The following ATP4B variants were observed in gnomAD, a reference collection of about 807,000 sequenced individuals.
The protein encoded by ATP4B is ATPase H+/K+ transporting subunit beta, also known as potassium-transporting ATPase subunit beta.
ATP4B carries 27 observed loss-of-function variants against 35.3 expected under a neutral mutation model. The ratio of observed to expected loss-of-function variants is 0.76; its 90% CI spans 0.56 to 1.05. ATP4B has a LOEUF of 1.05. Among genes scored for constraint, ATP4B ranks in the 50% least tolerant of loss-of-function variants. ATP4B has a pLI of 0.00. For synonymous variants in ATP4B, 162 were observed against 156.0 expected (o/e 1.04, Z -0.29); for missense variants, 375 against 384.8 (o/e 0.97, Z 0.21).
At chr13:113,652,780 A>G in intron 4 of ATP4B, 93 bp downstream of exon 4, 1 of 1,459,998 alleles carries the variant, frequency 6.8e-7, no homozygotes, top group Non-Finnish European at 9.5e-7. Flanking sequence ...GGCAAGCCCC[A>G]GACAGGACAC....
chr13:113,656,123 G>A (rs1027344290), intron 1 of ATP4B, among the ~76,000 whole-genome samples: 1 of 152,232 alleles, frequency 6.6e-6, no homozygotes, highest in African/African-American at 2.4e-5. Context: ...AGCTTCAGCA[G>A]TGTGGGGCCC....
At chr13:113,655,050 G>T in intron 1 of ATP4B, 108 bp from the exon 2 acceptor site, 1 of 1,428,846 alleles carries the variant, frequency 7.0e-7, no homozygotes, top group South Asian at 1.4e-5. Context: ...TCCCTACCTA[G>T]TTCCAGAACA....
rs773248678 is a variant in ATP4B, at chr13:113,652,951, C to T, written c.477G>A (p.Leu159=). The part of the protein sequence containing the change: ...KFSCKFTADM[L]QNCSGLADPN... ...GATCCGCCAGGCCTGAGCAGTTCTG[C>T]AGCATATCTGCCGTGAACTTGCAGG... The change falls in exon 4 of 7, where the codon CTG becomes CTA. Residue 159 remains leucine (L), a synonymous_variant. Coordinates refer to ENST00000335288, the MANE Select transcript of ATP4B (RefSeq NM_000705.4). The T allele has an allele frequency of 1.2e-6, 2 of 1,614,206 alleles. No individual in the cohort carries two copies. Among genetic ancestry groups the T allele is most frequent in the Non-Finnish European group, 1.7e-6 (2 of 1,180,040 alleles).
chr13:113,650,475 C>A lies in ATP4B; in HGVS notation c.645G>T (p.Gln215His). 1 of 1,613,920 alleles carries A rather than the reference C, an allele frequency of 6.2e-7. No individual in the cohort carries two copies. Among genetic ancestry groups the A allele is most frequent in the Non-Finnish European group, 8.5e-7 (1 of 1,179,904 alleles). ...TGCCGTTGGGAGGGTAGTACTTGAC[C>A]TGCAGCGGCTGGCCGAGCTCGCGGG... is the stretch of plus-strand genomic sequence containing the variant. ...DQPRELGQPL[Q>H]VKYYPPNGTF... is the part of the protein sequence containing the mutation. Residue 215 changes from glutamine to histidine, a missense_variant, in exon 6 of 7, where the codon CAG becomes CAT. Coordinates refer to ENST00000335288, the MANE Select transcript of ATP4B (RefSeq NM_000705.4). The surrounding 1 kb of genome is among the most constrained non-coding windows in gnomAD (Gnocchi z 5.0).
At chr13:113,653,954 A>G (rs763677268) in intron 2 of ATP4B, among the ~76,000 whole-genome samples, 1 of 152,252 alleles carries the variant, frequency 6.6e-6, no homozygotes, top group Non-Finnish European at 1.5e-5. Flanking sequence ...GTGGAAACAC[A>G]GATGCAGAAA....
intron 1 of ATP4B, among the ~76,000 whole-genome samples, 165 bp from the exon 2 acceptor site, chr13:113,655,107 C>T (rs953735458): frequency 2.0e-5 from 3 of 152,234 alleles, no homozygotes; most frequent in Admixed American, 6.5e-5. Context: ...ACAGTCACTA[C>T]AATCCCCTCC....
In ATP4B at chr13:113,658,026, C is replaced by A; in HGVS notation, c.112+7G>T. On this transcript the variant is annotated splice_region_variant and intron_variant, in intron 1 of 6. Coordinates refer to ENST00000335288, the MANE Select transcript of ATP4B (RefSeq NM_000705.4). ...ATGCACCCAGCCGGCCCGCCCCCCG[C>A]ACGTACCCCACCGGGACAGGGTGCG... The A allele has an allele frequency of 6.3e-7, 1 of 1,593,234 alleles. No individual in the cohort carries two copies. The highest frequency in any genetic ancestry group is 8.5e-7 in the Non-Finnish European group (1 of 1,171,920).
chr13:113,656,527 G>A (rs998551037), intron 1 of ATP4B, among the ~76,000 whole-genome samples: 10 of 152,296 alleles, frequency 6.6e-5, no homozygotes, highest in South Asian at 2.1e-4. Flanking sequence ...CTTGCACCAC[G>A]GTGTTCAGGG....
chr13:113,655,019 C>T (rs1232557308), intron 1 of ATP4B, 77 bp from the exon 2 acceptor site: 13 of 1,557,784 alleles, frequency 8.3e-6, no homozygotes, highest in Admixed American at 5.3e-5. Context: ...TGAGCGCGTC[C>T]GTGATGTGGC....
chr13:113,652,559 C>T, intron 4 of ATP4B: 1 of 435,892 alleles, frequency 2.3e-6, no homozygotes, highest in Non-Finnish European at 4.3e-6. Context: ...GAACTTGAGG[C>T]CCCTTTACCT....
intron 1 of ATP4B, among the ~76,000 whole-genome samples, chr13:113,656,364 G>A (rs565092503): frequency 8.7e-4 from 133 of 152,316 alleles, no homozygotes; most frequent in African/African-American, 3.0e-3. Context: ...AGATGTGGGC[G>A]GTGCGTGTCT....
rs1255621533 is a variant in ATP4B at position 113,654,925 on chromosome 13, A to G, written c.130T>C (p.Tyr44His). ...GTCATCACCACGTAGAAGGCCACGT[A>G]GTACAGGCTGATCCACACTGCGACA... Reference protein sequence around the residue: ...LSRWVWISLYYVAFYVVMTGL... With the variant: ...LSRWVWISLYHVAFYVVMTGL... The change falls in exon 2 of 7, where the codon TAC (tyrosine) becomes CAC (histidine). Residue 44 changes from tyrosine to histidine, a missense_variant. Transcript: ENST00000335288. The G allele has an allele frequency of 6.2e-7, 1 of 1,614,214 alleles. No individual in the cohort carries two copies. The highest frequency in any genetic ancestry group is 1.1e-5 in the South Asian group (1 of 91,080).
chr13:113,651,989 G>A (rs2049716097), intron 4 of ATP4B, among the ~76,000 whole-genome samples: 1 of 152,220 alleles, frequency 6.6e-6, no homozygotes. Context: ...CGGCTGGCAG[G>A]AGGCAGAGCT....
intron 2 of ATP4B, among the ~76,000 whole-genome samples, 191 bp from the exon 3 acceptor site, chr13:113,653,625 G>A (rs1015787833): frequency 1.2e-4 from 18 of 152,206 alleles, no homozygotes; most frequent in Admixed American, 3.9e-4. Flanking sequence ...GGTCCCTGCT[G>A]GGAGTTGCCC....
chr13:113,650,484 C>A lies in ATP4B; in HGVS notation c.636G>T (p.Gln212His). The A allele has an allele frequency of 6.2e-7, 1 of 1,613,730 alleles. No homozygotes were observed. Among genetic ancestry groups the A allele is most frequent in the Non-Finnish European group, 8.5e-7 (1 of 1,179,798 alleles). Residue 212 changes from glutamine to histidine, a missense_variant, in exon 6 of 7, where the codon CAG (glutamine) becomes CAT (histidine). Transcript: ENST00000335288. This position sits in a 1 kb window ranked among gnomAD's most constrained non-coding sequence, Gnocchi z 5.0. ...AFLDQPRELGQPLQVKYYPPN... is the reference protein window; with the variant it reads ...AFLDQPRELGHPLQVKYYPPN... ...GAGGGTAGTACTTGACCTGCAGCGG[C>A]TGGCCGAGCTCGCGGGGCTGGTCCT...
chr13:113,654,643 G>GGCT (rs1452357380), intron 2 of ATP4B, among the ~76,000 whole-genome samples, 171 bp downstream of exon 2: 4 of 152,248 alleles, frequency 2.6e-5, no homozygotes, highest in Admixed American at 2.6e-4. Context: ...AGGGGCCAGG[G>GGCT]GCTGCCCTCG....
chr13:113,653,592 C>T (rs1197341047), intron 2 of ATP4B, among the ~76,000 whole-genome samples, 158 bp from the exon 3 acceptor site: 3 of 152,252 alleles, frequency 2.0e-5, no homozygotes, highest in African/African-American at 7.2e-5. Context: ...ACCCCCAGGA[C>T]AGCACAGTCA....
chr13:113,655,587 C>T (rs966237996), intron 1 of ATP4B, among the ~76,000 whole-genome samples: 1 of 152,210 alleles, frequency 6.6e-6, no homozygotes, highest in African/African-American at 2.4e-5. Context: ...TCCCCGTGGC[C>T]ATGGGCGGCT....
intron 2 of ATP4B, among the ~76,000 whole-genome samples, chr13:113,653,866 G>C (rs926047327): frequency 6.6e-6 from 1 of 152,256 alleles, no homozygotes; most frequent in Non-Finnish European, 1.5e-5. Context: ...TGCACACAGC[G>C]GGGAGTGAAA....
Sources: gnomAD v4.1 joint callset for allele counts (sites outside exome capture counted in the v4.1 genomes callset) on GRCh38, gnomAD v4.1.1 for gene constraint, Gnocchi (gnomAD v3.1) non-coding constraint, MANE v1.5 for transcripts, NCBI Gene and HGNC (gene_info 2026-07-23, HGNC 2026-07-21) for gene names.